RPA1: variants seen among roughly 807,000 people sequenced by gnomAD.
The protein encoded by RPA1 is replication protein A1, also known as replication protein A 70 kDa DNA-binding subunit.
Under a neutral mutation model 83.0 loss-of-function variants are expected in RPA1, and 49 were observed. That is an observed-to-expected ratio of 0.59 (90% CI 0.47 to 0.75). RPA1 has a LOEUF of 0.75. RPA1 is among the 30% of genes least tolerant of loss of function. RPA1 has a pLI of 0.00. For synonymous variants in RPA1, 279 were observed against 281.8 expected, an observed-to-expected ratio of 0.99 and a Z score of 0.10; for missense variants, 693 against 776.1, an observed-to-expected ratio of 0.89 and a Z score of 1.27.
rs186065821 is a variant in RPA1, at chr17:1,888,431, G to T, written c.1375-244G>T. ...GTAATTTAGGATTAACTCTTTTATT[G>T]TGAAGGAATTATCTGCCTCAGAACT... On this transcript the variant is annotated intron_variant, in intron 13 of 16. Transcript: ENST00000254719. 2.5e-3 allele frequency among the ~76,000 whole-genome samples: 384 copies of T among 152,276 alleles called. 1 individual carries two copies. Among genetic ancestry groups the T allele is most frequent in the African/African-American group, 8.9e-3 (371 of 41,548 alleles).
At chr17:1,856,444 CAA>C (rs1912700298) in intron 5 of RPA1, among the ~76,000 whole-genome samples, 1 of 151,796 alleles carries the variant, frequency 6.6e-6, no homozygotes, top group Admixed American at 6.6e-5. Flanking sequence ...TGAAAAAATA[CAA>C]AGATTATCTA....
intron 13 of RPA1, among the ~76,000 whole-genome samples, chr17:1,885,614 T>C (rs994868099): frequency 6.6e-6 from 1 of 152,158 alleles, no homozygotes; most frequent in African/African-American, 2.4e-5. Flanking sequence ...GCTAATTGTA[T>C]TTTTTGTAGA....
chr17:1,893,413 A>T (rs1241656121), intron 15 of RPA1, among the ~76,000 whole-genome samples: 1 of 152,058 alleles, frequency 6.6e-6, no homozygotes, highest in South Asian at 2.1e-4. Context: ...GCTTTAACCC[A>T]TTGTTTTATT....
intron 16 of RPA1, among the ~76,000 whole-genome samples, chr17:1,895,869 G>T (rs1379644154): frequency 6.6e-6 from 1 of 151,880 alleles, no homozygotes; most frequent in African/African-American, 2.4e-5. Flanking sequence ...TTTTAGTAGA[G>T]ACGGAGTTTT....
chr17:1,834,282 C>A (rs925711239), intron 1 of RPA1, among the ~76,000 whole-genome samples: 2 of 152,042 alleles, frequency 1.3e-5, no homozygotes, highest in African/African-American at 4.8e-5. Flanking sequence ...GTCTCAAACT[C>A]CTGGGCTTAA....
chr17:1,849,724 A>C (rs527676058), intron 4 of RPA1, among the ~76,000 whole-genome samples: 16 of 151,034 alleles, frequency 1.1e-4, no homozygotes, highest in African/African-American at 3.9e-4. Context: ...TTTTGGTTTC[A>C]CTGTTCAATG....
intron 4 of RPA1, among the ~76,000 whole-genome samples, chr17:1,851,255 G>C (rs970493279): frequency 2.2e-5 from 3 of 137,576 alleles, no homozygotes; most frequent in Non-Finnish European, 3.2e-5. Flanking sequence ...TTGTATATGT[G>C]CGTGTGTATG....
At chr17:1,877,608 G>A (rs969273984) in intron 8 of RPA1, among the ~76,000 whole-genome samples, 3 of 152,208 alleles carry the variant, frequency 2.0e-5, no homozygotes, top group Admixed American at 6.5e-5. Flanking sequence ...AAATGACAGC[G>A]TTTGTAGCAG....
chr17:1,831,077 C>G (rs1341939459), intron 1 of RPA1, among the ~76,000 whole-genome samples: 2 of 152,082 alleles, frequency 1.3e-5, no homozygotes, highest in Non-Finnish European at 2.9e-5. Flanking sequence ...CAAGGCAATT[C>G]CATTGCCATC....
At chr17:1,881,723 A>G (rs766529659) in intron 12 of RPA1, among the ~76,000 whole-genome samples, 1 of 152,246 alleles carries the variant, frequency 6.6e-6, no homozygotes, top group African/African-American at 2.4e-5. Context: ...TTACTTGTCA[A>G]TAATCATGAT....
At chr17:1,889,304 T>C (rs898682879) in intron 14 of RPA1, among the ~76,000 whole-genome samples, 2 of 150,358 alleles carry the variant, frequency 1.3e-5, no homozygotes, top group Admixed American at 6.7e-5. Flanking sequence ...AAAAACCTTT[T>C]TAAAAAAGTT....
intron 13 of RPA1, among the ~76,000 whole-genome samples, chr17:1,886,771 A>G (rs1294616991): frequency 1.3e-5 from 2 of 149,424 alleles, no homozygotes; most frequent in East Asian, 2.0e-4. Context: ...CAGTGGTGCA[A>G]TCACAGCTCA....
chr17:1,844,001 G>A lies in RPA1; in HGVS notation c.163+3G>A. 1 of 1,611,642 alleles carries A rather than the reference G, an allele frequency of 6.2e-7. No individual in the cohort carries two copies. The highest frequency in any genetic ancestry group is 1.1e-5 in the South Asian group (1 of 90,906). Reference sequence around the variant, plus strand: ...TGATGGATTGAACACTCTATCCTGTGAGTATGGTGTATCCATCTAGAAATG... The same window carrying A: ...TGATGGATTGAACACTCTATCCTGTAAGTATGGTGTATCCATCTAGAAATG... On this transcript the variant is annotated splice_donor_region_variant and intron_variant, in intron 3 of 16. Coordinates refer to ENST00000254719, the MANE Select transcript of RPA1 (RefSeq NM_002945.5).
At chr17:1,894,378 G>C (rs1183643124) in intron 15 of RPA1, among the ~76,000 whole-genome samples, 1 of 152,074 alleles carries the variant, frequency 6.6e-6, no homozygotes, top group Non-Finnish European at 1.5e-5. Flanking sequence ...TGTTGGCCAG[G>C]CTGGTCTTGA....
intron 6 of RPA1, among the ~76,000 whole-genome samples, chr17:1,873,850 G>A (rs906278402): frequency 6.6e-6 from 1 of 151,404 alleles, no homozygotes; most frequent in Admixed American, 6.6e-5. Context: ...AAAATTAATC[G>A]GGCATGGTGG....
At chr17:1,846,576 T>C (rs1454938939) in intron 4 of RPA1, among the ~76,000 whole-genome samples, 1 of 152,126 alleles carries the variant, frequency 6.6e-6, no homozygotes, top group Non-Finnish European at 1.5e-5. Context: ...TGCCTCAGCC[T>C]CCCAAAGTGC....
chr17:1,885,760 A>T (rs1913965410), intron 13 of RPA1, among the ~76,000 whole-genome samples: 1 of 152,190 alleles, frequency 6.6e-6, no homozygotes, highest in South Asian at 2.1e-4. Flanking sequence ...AATAGCATCT[A>T]GAATGGTGAA....
At chr17:1,896,915 A>T (rs1030492877) in intron 16 of RPA1, among the ~76,000 whole-genome samples, 156 bp from the exon 17 acceptor site, 1 of 152,210 alleles carries the variant, frequency 6.6e-6, no homozygotes, top group African/African-American at 2.4e-5. Context: ...AGCCCCAGAC[A>T]TTCAGGAGGA....
intron 1 of RPA1, among the ~76,000 whole-genome samples, chr17:1,841,864 T>C (rs1042705926): frequency 2.6e-5 from 4 of 152,150 alleles, no homozygotes; most frequent in African/African-American, 9.7e-5. Context: ...ATCTATTCAG[T>C]TGATGATGAT....
Sources: allele counts gnomAD v4.1 joint callset (sites outside exome capture counted in the v4.1 genomes callset), GRCh38; gene constraint gnomAD v4.1.1; transcripts MANE v1.5; gene names NCBI Gene and HGNC (gene_info 2026-07-23, HGNC 2026-07-21).